MTA3: variants seen among roughly 807,000 people sequenced by gnomAD.
MTA3 encodes the protein metastasis associated 1 family member 3.
MTA3 carries 34 observed loss-of-function variants against 83.5 expected under a neutral mutation model. That is an observed-to-expected ratio of 0.41 (90% CI 0.31 to 0.54). The LOEUF (loss-of-function observed/expected upper bound fraction) is 0.54. Ranked by LOEUF, MTA3 falls within the 20% of genes least tolerant of loss-of-function variation. MTA3 has a pLI of 0.33. For synonymous variants in MTA3, 303 were observed against 252.7 expected, an observed-to-expected ratio of 1.20 and a Z score of -1.89; for missense variants, 761 against 726.4, an observed-to-expected ratio of 1.05 and a Z score of -0.55.
At chr2:42,665,834 A>T (rs563696080) in intron 8 of MTA3, among the ~76,000 whole-genome samples, 1 of 152,334 alleles carries the variant, frequency 6.6e-6, no homozygotes, top group Admixed American at 6.5e-5. Context: ...ATAAGGACTG[A>T]CATTTAATTG....
chr2:42,587,254 G>T (rs1680447218), intron 3 of MTA3, among the ~76,000 whole-genome samples: 1 of 152,090 alleles, frequency 6.6e-6, no homozygotes, highest in Non-Finnish European at 1.5e-5. Flanking sequence ...TGAGGCTGCA[G>T]TAAGCCATGA....
chr2:42,655,077 C>G (rs773279858), intron 6 of MTA3, among the ~76,000 whole-genome samples: 18 of 152,198 alleles, frequency 1.2e-4, no homozygotes, highest in Non-Finnish European at 2.1e-4. Context: ...TGAAGGAACT[C>G]TTAAAGGAGG....
chr2:42,692,447 CAG>C (rs1692986170), intron 9 of MTA3, among the ~76,000 whole-genome samples: 1 of 142,366 alleles, frequency 7.0e-6, no homozygotes, highest in South Asian at 2.2e-4. Context: ...TCTTTTGAGA[CAG>C]AGTCTTGTTC....
chr2:42,644,392 AAAAT>A lies in MTA3; in HGVS notation c.499+162_499+165del, dbSNP rs894981759. 2.9e-4 allele frequency: 155 copies of A among 535,974 alleles called. 1 individual carries two copies. The highest frequency in any genetic ancestry group is 2.4e-3 in the African/African-American group (123 of 51,092). 33.2% of individuals were successfully genotyped at this position (535,974 alleles called of 1,614,324 possible). A position where few individuals can be genotyped will look rare whatever the true frequency, so the allele number is the denominator to read the frequency against. On this transcript the variant is annotated intron_variant, in intron 6 of 16. Coordinates refer to ENST00000405094, the MANE Select transcript of MTA3 (RefSeq NM_001330442.2). ...TTTTACTGTTCTTTGTAAAAAATAA[AAAAT>A]AAATAAATAAATAGAGATGAGGCCT... is the stretch of plus-strand genomic sequence containing the variant.
intron 8 of MTA3, among the ~76,000 whole-genome samples, chr2:42,673,453 C>T (rs942358162): frequency 2.0e-5 from 3 of 152,086 alleles, no homozygotes; most frequent in Non-Finnish European, 4.4e-5. Flanking sequence ...TATTTTCAAC[C>T]TATGATGAGT....
chr2:42,670,184 A>C (rs1281586974), intron 8 of MTA3, among the ~76,000 whole-genome samples: 1 of 152,020 alleles, frequency 6.6e-6, no homozygotes, highest in Middle Eastern at 3.2e-3. Flanking sequence ...GCTTGAACCC[A>C]GGAGGTGCAG....
At chr2:42,669,754 A>G (rs187427263) in intron 8 of MTA3, among the ~76,000 whole-genome samples, 1 of 152,274 alleles carries the variant, frequency 6.6e-6, no homozygotes, top group East Asian at 1.9e-4. Context: ...TTCCTTTTAA[A>G]TTTAAGCTTT....
intron 8 of MTA3, among the ~76,000 whole-genome samples, chr2:42,672,898 G>T (rs909345136): frequency 6.7e-6 from 1 of 148,426 alleles, no homozygotes; most frequent in Admixed American, 6.8e-5. Flanking sequence ...CCAGGCTGGA[G>T]TGCAATGGTG....
chr2:42,683,743 A>C (rs1254803953), intron 9 of MTA3, among the ~76,000 whole-genome samples: 2 of 152,112 alleles, frequency 1.3e-5, no homozygotes, highest in East Asian at 3.9e-4. Flanking sequence ...TGAGAATCTA[A>C]TGCCGCTGCT....
intron 2 of MTA3, among the ~76,000 whole-genome samples, chr2:42,551,089 TA>T (rs1165538613): frequency 6.9e-6 from 1 of 144,374 alleles, no homozygotes; most frequent in Non-Finnish European, 1.5e-5. Flanking sequence ...ATAAATAAAT[TA>T]AAATTTATGA....
intron 4 of MTA3, among the ~76,000 whole-genome samples, chr2:42,635,371 T>C (rs1163764277): frequency 6.6e-6 from 1 of 152,190 alleles, no homozygotes; most frequent in African/African-American, 2.4e-5. Context: ...CTCATGTCTG[T>C]AATCCCAGCA....
At chr2:42,552,848 G>A (rs553617680) in intron 2 of MTA3, among the ~76,000 whole-genome samples, 1 of 152,024 alleles carries the variant, frequency 6.6e-6, no homozygotes, top group African/African-American at 2.4e-5. Flanking sequence ...TACTCGGGAG[G>A]CTGAGGCAGG....
At chr2:42,594,239 G>A (rs1161294026) in intron 3 of MTA3, among the ~76,000 whole-genome samples, 4 of 100,208 alleles carry the variant, frequency 4.0e-5, no homozygotes, top group African/African-American at 1.6e-4. Context: ...CCATGCGCCA[G>A]GCCCCTTTTT....
chr2:42,640,490 G>A (rs940335741), intron 5 of MTA3, among the ~76,000 whole-genome samples: 2 of 152,184 alleles, frequency 1.3e-5, no homozygotes, highest in Non-Finnish European at 2.9e-5. Flanking sequence ...CATGGATTTA[G>A]TTGATAGTAG....
At chr2:42,731,757 C>G (rs1668246792) in intron 16 of MTA3, among the ~76,000 whole-genome samples, 1 of 152,166 alleles carries the variant, frequency 6.6e-6, no homozygotes, top group African/African-American at 2.4e-5. Flanking sequence ...AAAGTCTTAA[C>G]TCATTTTAGC....
intron 9 of MTA3, among the ~76,000 whole-genome samples, chr2:42,694,106 A>G (rs1430075378): frequency 6.6e-6 from 1 of 152,202 alleles, no homozygotes; most frequent in South Asian, 2.1e-4. Flanking sequence ...GCCCTGTCCT[A>G]CTGTGGCTGA....
At chr2:42,710,549 CAAAAAAAAAA>C (rs765315082) in intron 14 of MTA3, among the ~76,000 whole-genome samples, 5 of 61,068 alleles carry the variant, frequency 8.2e-5, no homozygotes, top group South Asian at 5.5e-4. Context: ...AACTTCATCT[CAAAAAAAAAA>C]AAAAAAAAAA....
chr2:42,526,879 C>G (rs1018959819), intron 2 of MTA3, among the ~76,000 whole-genome samples: 2 of 151,722 alleles, frequency 1.3e-5, no homozygotes, highest in Non-Finnish European at 2.9e-5. Flanking sequence ...CATGGTGAAA[C>G]CCCGTCTCTA....
chr2:42,725,083 T>C (rs943095745), intron 16 of MTA3, among the ~76,000 whole-genome samples: 2 of 152,252 alleles, frequency 1.3e-5, no homozygotes, highest in Admixed American at 1.3e-4. Context: ...GGAAGGCTGA[T>C]GACATGTGCT....
Sources: allele counts gnomAD v4.1 joint callset (sites outside exome capture counted in the v4.1 genomes callset), GRCh38; gene constraint gnomAD v4.1.1; transcripts MANE v1.5; gene names NCBI Gene and HGNC (gene_info 2026-07-23, HGNC 2026-07-21).